The following MAPK14 variants were observed in gnomAD, a reference collection of about 807,000 sequenced individuals.
MAPK14 encodes the protein mitogen-activated protein kinase 14, also known as CSAID-binding protein.
MAPK14 carries 16 observed loss-of-function variants against 49.6 expected under a neutral mutation model. The ratio of observed to expected loss-of-function variants is 0.32; its 90% confidence interval spans 0.22 to 0.49. The LOEUF is 0.49. Ranked by LOEUF, MAPK14 falls within the 20% of genes least tolerant of loss-of-function variation. The pLI, the probability that MAPK14 is intolerant of heterozygous loss-of-function variation, is 0.99. For missense variants in MAPK14, 200 were observed against 441.2 expected (o/e 0.45, Z 4.90); for synonymous variants, 142 against 158.0 (o/e 0.90, Z 0.76).
chr6:36,052,580 A>C, intron 1 of MAPK14, 119 bp from the exon 2 acceptor site: 1 of 863,066 alleles, frequency 1.2e-6, no homozygotes, highest in Non-Finnish European at 1.7e-6. Flanking sequence ...TTTTATCTTT[A>C]TGCTTTTTTT....
chr6:36,101,287 A>T (rs1765626742), intron 9 of MAPK14, among the ~76,000 whole-genome samples: 1 of 152,078 alleles, frequency 6.6e-6, no homozygotes, highest in Non-Finnish European at 1.5e-5. Flanking sequence ...AAAAAAATTT[A>T]AAAATTAGGG....
At position 36,088,888 on chromosome 6, in the gene MAPK14, A is replaced by AT. The variant is rs550178859; in HGVS notation, c.683-7097dup. On this transcript the variant is annotated intron_variant, in intron 8 of 11. Coordinates refer to ENST00000229794, the MANE Select transcript of MAPK14 (RefSeq NM_139012.3). ...TCTCATGCTAGTCAGAATGGTGATT[A>AT]TTAAAAAGTCAAGAAACAACAGATG... Among the ~76,000 whole-genome samples the AT allele has an allele frequency of 7.6e-4, 116 of 152,348 alleles. 1 individual carries two copies. In the East Asian group the frequency reaches 0.019, roughly 24 times the overall value.
chr6:36,065,507 G>GGT (rs386358922), intron 3 of MAPK14, among the ~76,000 whole-genome samples: 13,708 of 122,468 alleles, frequency 0.11, 687 homozygotes, highest in African/African-American at 0.18. Context: ...GGGCAGAAAA[G>GGT]GTGTGTGTGT....
chr6:36,032,257 A>C (rs570027585), intron 1 of MAPK14, among the ~76,000 whole-genome samples: 2 of 152,212 alleles, frequency 1.3e-5, no homozygotes, highest in African/African-American at 2.4e-5. Flanking sequence ...AAGTATAGTA[A>C]AAAAACAAGT....
At chr6:36,060,086 G>A (rs1396632111) in intron 3 of MAPK14, among the ~76,000 whole-genome samples, 6 of 152,180 alleles carry the variant, frequency 3.9e-5, no homozygotes, top group Admixed American at 2.6e-4. Flanking sequence ...GTAGTGGGGG[G>A]CTAGGGAAAA....
intron 1 of MAPK14, among the ~76,000 whole-genome samples, chr6:36,036,255 C>CAAAAAAA (rs35795294): frequency 1.9e-5 from 2 of 104,816 alleles, no homozygotes; most frequent in Non-Finnish European, 3.7e-5. Context: ...GAGTACATCT[C>CAAAAAAA]AAAAAAAAAA....
chr6:36,123,599 A>C, the MAPK14 span, among the ~76,000 whole-genome samples: 1 of 152,228 alleles, frequency 6.6e-6, no homozygotes, highest in Non-Finnish European at 1.5e-5. Context: ...TCAGTCACTA[A>C]GTCTTTACTG....
In MAPK14 at chr6:36,052,837, T is replaced by C. The variant is rs1272303297; in HGVS notation, c.246+9T>C. The C allele has an allele frequency of 6.3e-7, 1 of 1,599,524 alleles. No individual in the cohort carries two copies. The highest frequency in any genetic ancestry group is 8.5e-7 in the Non-Finnish European group (1 of 1,174,038). Reference sequence around the variant, plus strand: ...ATATGAAACATGAAAATGTAAGTTATTCATTCAAGGAAGAATACATTTTGA... The same window carrying C: ...ATATGAAACATGAAAATGTAAGTTACTCATTCAAGGAAGAATACATTTTGA... On this transcript the variant is annotated intron_variant, in intron 2 of 11. Coordinates refer to ENST00000229794, the MANE Select transcript of MAPK14 (RefSeq NM_139012.3).
chr6:36,116,042 G>A (rs1294911740), downstream of MAPK14, among the ~76,000 whole-genome samples: 1 of 152,202 alleles, frequency 6.6e-6, no homozygotes, highest in Non-Finnish European at 1.5e-5. Flanking sequence ...CATGGAGGTT[G>A]AGGCTGCAGT....
intron 6 of MAPK14, 164 bp from the exon 7 acceptor site, chr6:36,075,684 A>G (rs1764503110): frequency 2.3e-6 from 2 of 878,328 alleles, no homozygotes; most frequent in Non-Finnish European, 3.6e-6. Flanking sequence ...CTGTATATTT[A>G]CCATACATTC....
chr6:36,112,692 C>A (rs773168022), downstream of MAPK14, among the ~76,000 whole-genome samples: 6 of 151,992 alleles, frequency 3.9e-5, no homozygotes, highest in Non-Finnish European at 7.3e-5. Flanking sequence ...ACCTCCTCAA[C>A]TTTCCTTTTA....
intron 8 of MAPK14, among the ~76,000 whole-genome samples, chr6:36,090,676 G>A (rs1351612621): frequency 6.6e-6 from 1 of 152,056 alleles, no homozygotes; most frequent in Non-Finnish European, 1.5e-5. Context: ...ACAGGTGCAC[G>A]TCATCACGCC....
chr6:36,109,062 G>A lies in MAPK14; in HGVS notation c.*615G>A, dbSNP rs201919911. The stretch of plus-strand genomic sequence containing the variant: ...CTGTAAATATGTTTGTGCCTTAAAA[G>A]GAGAGAAGAAAGTGTAGATAGTTAA... On this transcript the variant is annotated 3_prime_UTR_variant, in exon 12 of 12. Coordinates refer to ENST00000229794, the MANE Select transcript of MAPK14 (RefSeq NM_139012.3). 1 of 153,024 alleles carries A rather than the reference G, an allele frequency of 6.5e-6. No individual in the cohort carries two copies. Among genetic ancestry groups the A allele is most frequent in the African/African-American group, 2.4e-5 (1 of 41,454 alleles). The allele number at this position is 153,024 out of a possible 1,614,324, so 9.5% of individuals were successfully genotyped here.
chr6:36,092,582 A>T, intron 8 of MAPK14: 1 of 465,490 alleles, frequency 2.1e-6, no homozygotes, highest in Non-Finnish European at 4.2e-6. Context: ...TTCCTTCTGA[A>T]ATTAACTCCT....
intron 2 of MAPK14, among the ~76,000 whole-genome samples, chr6:36,058,951 G>A (rs1180688326): frequency 2.0e-5 from 3 of 150,670 alleles, no homozygotes; most frequent in Non-Finnish European, 2.9e-5. Flanking sequence ...GTGCAGTGGC[G>A]CAATCTCGGG....
chr6:36,113,763 T>C (rs532969984), downstream of MAPK14, among the ~76,000 whole-genome samples: 1 of 152,364 alleles, frequency 6.6e-6, no homozygotes, highest in South Asian at 2.1e-4. Flanking sequence ...TTTTGTTTTT[T>C]AATGAGAAAG....
At position 36,073,616 on chromosome 6, in the gene MAPK14, A is replaced by C. The variant is rs1257538297; in HGVS notation, c.418-75A>C. 2.5e-6 allele frequency: 3 copies of C among 1,203,632 alleles called. No homozygotes were observed. The African/African-American group carries it at 4.6e-5, about 18-fold the overall frequency. The allele number at this position is 1,203,632 out of a possible 1,614,324, so 74.6% of individuals were successfully genotyped here. Reference sequence around the variant, plus strand: ...ACTAGCAGTTCTTACTGATTCATGAAAATGTGCAGCAAATATGTTATATAA... The same window carrying C: ...ACTAGCAGTTCTTACTGATTCATGACAATGTGCAGCAAATATGTTATATAA... On this transcript the variant is annotated intron_variant, in intron 4 of 11. Transcript: ENST00000229794.
intron 3 of MAPK14, among the ~76,000 whole-genome samples, chr6:36,071,752 A>G (rs948864086): frequency 1.1e-4 from 17 of 152,372 alleles, no homozygotes; most frequent in Admixed American, 5.2e-4. Context: ...AAGATACTTA[A>G]TTATAGCCAT....
At chr6:36,103,116 G>A (rs1032277178) in intron 10 of MAPK14, among the ~76,000 whole-genome samples, 4 of 151,998 alleles carry the variant, frequency 2.6e-5, no homozygotes, top group Non-Finnish European at 4.4e-5. Flanking sequence ...AGATCCTGTC[G>A]TCTTCCACAC....
Sources: gnomAD v4.1 joint callset for allele counts (sites outside exome capture counted in the v4.1 genomes callset) on GRCh38, gnomAD v4.1.1 for gene constraint, MANE v1.5 for transcripts, NCBI Gene and HGNC (gene_info 2026-07-23, HGNC 2026-07-21) for gene names.